PRDM4: variants seen among roughly 807,000 people sequenced by gnomAD.
PRDM4 encodes the protein PR domain zinc finger protein 4.
PRDM4 carries 38 observed loss-of-function variants against 62.3 expected under a neutral mutation model. The observed-to-expected ratio is 0.61, with a 90% CI of 0.47 to 0.80. The LOEUF is 0.80. PRDM4 is among the 30% of genes least tolerant of loss of function. PRDM4 has a pLI of 0.00. For missense variants in PRDM4, 858 were observed against 997.1 expected (o/e 0.86, Z 1.88); for synonymous variants, 339 against 348.2 (o/e 0.97, Z 0.30).
chr12:107,734,526 A>C lies in PRDM4; in HGVS notation c.2094-4T>G. On this transcript the variant is annotated splice_polypyrimidine_tract_variant and splice_region_variant and intron_variant, in intron 11 of 11. Transcript: ENST00000228437. ...GGGACACTTGATCTGGCGTTCTCTA[A>C]GAGGAACACAAGAAAAAACATTTGA... The C allele has an allele frequency of 6.2e-7, 1 of 1,604,032 alleles. No individual in the cohort carries two copies. Among genetic ancestry groups the C allele is most frequent in the Non-Finnish European group, 8.5e-7 (1 of 1,174,750 alleles).
chr12:107,751,187 A>G (rs983765007), intron 5 of PRDM4, among the ~76,000 whole-genome samples: 11 of 152,198 alleles, frequency 7.2e-5, no homozygotes, highest in Non-Finnish European at 1.5e-4. Context: ...TTCACATTTC[A>G]TTTCTTCAGG....
chr12:107,749,483 C>T (rs1421719323), intron 5 of PRDM4, among the ~76,000 whole-genome samples: 1 of 150,878 alleles, frequency 6.6e-6, no homozygotes, highest in Non-Finnish European at 1.5e-5. Flanking sequence ...ATCTTTCTGC[C>T]TCAGCCTCCC....
At position 107,739,900 on chromosome 12, in the gene PRDM4, C is replaced by T. The variant is rs185753471; in HGVS notation, c.1925-349G>A. Among the ~76,000 whole-genome samples, 103 of 150,302 alleles carry T rather than the reference C, an allele frequency of 6.9e-4. No individual in the cohort carries two copies. The East Asian group carries it at 0.016, about 24-fold the overall frequency. On this transcript the variant is annotated intron_variant, in intron 10 of 11. Transcript: ENST00000228437. ...AAAAAAAAACTCATGAATTCTAGGA[C>T]GTGTCTATAGGGAAACATACTTTTA...
At chr12:107,737,160 G>A (rs1259697995) in intron 11 of PRDM4, among the ~76,000 whole-genome samples, 1 of 151,702 alleles carries the variant, frequency 6.6e-6, no homozygotes, top group African/African-American at 2.4e-5. Flanking sequence ...GCCAGGTTCT[G>A]TCACCACCCT....
Position 107,744,669 on chromosome 12 carries a change from TG to T in PRDM4, c.1277-9del, listed in dbSNP as rs1206910859. 2 of 1,613,238 alleles carry T rather than the reference TG, an allele frequency of 1.2e-6. No homozygotes were observed. The highest frequency in any genetic ancestry group is 1.7e-6 in the Non-Finnish European group (2 of 1,179,264). ...TTTCTCCAGTCCATACACCTGTCAGTGGAAGGACACCAACTACACAATCAAT... is the reference window on the plus strand; with the variant it reads ...TTTCTCCAGTCCATACACCTGTCAGTGAAGGACACCAACTACACAATCAAT... On this transcript the variant is annotated splice_polypyrimidine_tract_variant and intron_variant, in intron 6 of 11. Transcript: ENST00000228437.
At position 107,756,512 on chromosome 12, in the gene PRDM4, C is replaced by T. The variant is rs558594300; in HGVS notation, c.145+320G>A. ...GATTCTCTTCTATTAACCCAGGGAACGGGTACTGAAGTGTGAACCAGATGA... is the reference window on the plus strand; with the variant it reads ...GATTCTCTTCTATTAACCCAGGGAATGGGTACTGAAGTGTGAACCAGATGA... On this transcript the variant is annotated intron_variant, in intron 3 of 11. Coordinates refer to ENST00000228437, the MANE Select transcript of PRDM4 (RefSeq NM_012406.4). Among the ~76,000 whole-genome samples, 10 of 152,252 alleles carry T rather than the reference C, an allele frequency of 6.6e-5. No homozygotes were observed. The South Asian group carries it at 1.5e-3, about 22-fold the overall frequency.
At chr12:107,734,704 T>G (rs1447496059) in intron 11 of PRDM4, among the ~76,000 whole-genome samples, 182 bp from the exon 12 acceptor site, 1 of 152,250 alleles carries the variant, frequency 6.6e-6, no homozygotes, top group East Asian at 1.9e-4. Context: ...GTAGGCTCAT[T>G]TTTCCTGTTT....
chr12:107,746,495 T>C, intron 5 of PRDM4, 71 bp from the exon 6 acceptor site: 2 of 1,393,590 alleles, frequency 1.4e-6, no homozygotes, highest in Admixed American at 2.6e-5. Context: ...CACGGTTTTT[T>C]TTTTTTTTGA....
In PRDM4 at chr12:107,739,430, C is replaced by T. The variant is rs773653956; in HGVS notation, c.2046G>A (p.Leu682=). The T allele has an allele frequency of 1.9e-6, 3 of 1,613,922 alleles. No homozygotes were observed. The highest frequency in any genetic ancestry group is 1.7e-4 in the Middle Eastern group (1 of 6,046). ...KNLKCDYCDK[L]FMRRQDLKQH... ...GCTTGAGGTCCTGCCTCCGCATAAA[C>T]AACTTGTCACAGTAATCACACTTAA... The change falls in exon 11 of 12, where the codon TTG becomes TTA. Residue 682 remains leucine (L), a synonymous_variant. Transcript: ENST00000228437.
rs903377207 is a variant in PRDM4 at position 107,751,491 on chromosome 12, A to C, written c.1050T>G (p.Leu350=). The change falls in exon 5 of 12, where the codon CTT becomes CTG. Residue 350 remains leucine, a synonymous_variant. Coordinates refer to ENST00000228437, the MANE Select transcript of PRDM4 (RefSeq NM_012406.4). ...TTTGCAGTGAAGGTGATACAAAAGAAAGACTGTCTGAAGATACATCTACAT... is the reference window on the plus strand; with the variant it reads ...TTTGCAGTGAAGGTGATACAAAAGACAGACTGTCTGAAGATACATCTACAT... ...TGHVDVSSDS[L]SFVSPSLQME... is the part of the protein sequence containing the mutation. 10 of 1,613,950 alleles carry C rather than the reference A, an allele frequency of 6.2e-6. No homozygotes were observed. The highest frequency in any genetic ancestry group is 7.6e-6 in the Non-Finnish European group (9 of 1,179,918).
chr12:107,742,552 A>C, intron 8 of PRDM4: 1 of 575,580 alleles, frequency 1.7e-6, no homozygotes, highest in Non-Finnish European at 3.0e-6. Context: ...TTAGCTGATG[A>C]CCTTTTGTAG....
intron 11 of PRDM4, among the ~76,000 whole-genome samples, chr12:107,736,400 C>T (rs1174889831): frequency 6.6e-6 from 1 of 152,154 alleles, no homozygotes; most frequent in Non-Finnish European, 1.5e-5. Context: ...AGAAGACATG[C>T]AGGCATCTGG....
intron 6 of PRDM4, among the ~76,000 whole-genome samples, chr12:107,745,132 C>G (rs1370531795): frequency 0.17 from 1 of 6 alleles, no homozygotes. Context: ...TGGGTCCTAG[C>G]CCTGTAAATA....
At chr12:107,738,225 G>A (rs1010838962) in intron 11 of PRDM4, 21 of 152,224 alleles carry the variant, frequency 1.4e-4, no homozygotes, top group African/African-American at 3.9e-4. Flanking sequence ...TAGATGATCC[G>A]GGGATCTCTT....
At chr12:107,735,081 GCCTTGAA>G (rs764243137) in intron 11 of PRDM4, among the ~76,000 whole-genome samples, 1 of 152,114 alleles carries the variant, frequency 6.6e-6, no homozygotes, top group Non-Finnish European at 1.5e-5. Flanking sequence ...ATGCACTACA[GCCTTGAA>G]CTCCTGGGCT....
Position 107,753,362 on chromosome 12 carries a change from G to A in PRDM4, c.331+562C>T, listed in dbSNP as rs377528550. Reference sequence around the variant, plus strand: ...GCCTGGGCAAAATAGTTGAGACTCCGTCTCCATTAAAAGAAAAAAAAAAAA... The same window carrying A: ...GCCTGGGCAAAATAGTTGAGACTCCATCTCCATTAAAAGAAAAAAAAAAAA... On this transcript the variant is annotated intron_variant, in intron 4 of 11. Coordinates refer to ENST00000228437, the MANE Select transcript of PRDM4 (RefSeq NM_012406.4). Among the ~76,000 whole-genome samples, 4 of 149,240 alleles carry A rather than the reference G, an allele frequency of 2.7e-5. No homozygotes were observed. The East Asian group carries it at 7.8e-4, about 29-fold the overall frequency.
chr12:107,733,896 T>G lies in PRDM4; in HGVS notation c.*314A>C. ...AGAATGTGAAATAAATCTGATTTGT[T>G]TGAGCAGAAGGCAGCTTTGATTCAG... On this transcript the variant is annotated 3_prime_UTR_variant, in exon 12 of 12. Transcript: ENST00000228437. 3.6e-6 allele frequency: 1 copy of G among 276,076 alleles called. No individual in the cohort carries two copies. Among genetic ancestry groups the G allele is most frequent in the East Asian group, 8.1e-5 (1 of 12,402 alleles). The allele number at this position is 276,076 out of a possible 1,614,324, so 17.1% of individuals were successfully genotyped here.
At position 107,751,600 on chromosome 12, in the gene PRDM4, G is replaced by A; in HGVS notation, c.941C>T (p.Ser314Phe). The A allele has an allele frequency of 6.2e-7, 1 of 1,613,784 alleles. No individual in the cohort carries two copies. The highest frequency in any genetic ancestry group is 8.5e-7 in the Non-Finnish European group (1 of 1,179,676). ...STSHNLASLE[S>F]VSLHEVGLSL... is the part of the protein sequence containing the mutation. ...GAGGCCAACTTCATGGAGGGAAACA[G>A]ATTCTAGGGAGGCAAGGTTGTGTGA... Residue 314 changes from serine to phenylalanine, a missense_variant, in exon 5 of 12, where the codon TCT (serine) becomes TTT (phenylalanine). Coordinates refer to ENST00000228437, the MANE Select transcript of PRDM4 (RefSeq NM_012406.4).
At chr12:107,734,694 GTAGGCTCAT>G (rs1890271829) in intron 11 of PRDM4, among the ~76,000 whole-genome samples, 172 bp from the exon 12 acceptor site, 1 of 152,196 alleles carries the variant, frequency 6.6e-6, no homozygotes, top group Non-Finnish European at 1.5e-5. Context: ...TTAAAACAGT[GTAGGCTCAT>G]TTTTCCTGTT....
Sources: gnomAD v4.1 joint callset for allele counts (sites outside exome capture counted in the v4.1 genomes callset) on GRCh38, gnomAD v4.1.1 for gene constraint, MANE v1.5 for transcripts, NCBI Gene and HGNC (gene_info 2026-07-23, HGNC 2026-07-21) for gene names.